The following LINGO2 variants were observed in gnomAD, a reference collection of about 807,000 sequenced individuals.
LINGO2 encodes the protein leucine rich repeat and Ig domain containing 2.
A neutral mutation model predicts 30.6 loss-of-function variants in LINGO2; 14 were observed. The ratio of observed to expected loss-of-function variants is 0.46; its 90% CI spans 0.30 to 0.72. The LOEUF (loss-of-function observed/expected upper bound fraction) is 0.72, where lower values mean the gene tolerates loss of function less well. LINGO2 is among the 30% of genes least tolerant of loss of function. The pLI is 0.07. For synonymous variants in LINGO2, 317 were observed against 288.5 expected (o/e 1.10, Z -1.00); for missense variants, 729 against 751.7 (o/e 0.97, Z 0.35).
At chr9:28,587,542 C>A (rs1409082507) in intron 1 of LINGO2, among the ~76,000 whole-genome samples, 2 of 151,890 alleles carry the variant, frequency 1.3e-5, no homozygotes, top group Non-Finnish European at 2.9e-5. Context: ...GTGACCTTGG[C>A]TACCTGACTG....
intron 2 of LINGO2, among the ~76,000 whole-genome samples, chr9:28,389,152 C>T (rs41523248): frequency 0.11 from 16,056 of 152,112 alleles, 973 homozygotes; most frequent in Admixed American, 0.16. Flanking sequence ...TCACATTAAA[C>T]CAGCTTTAGG....
the LINGO2 span, among the ~76,000 whole-genome samples, chr9:28,829,732 A>T: frequency 4.6e-5 from 7 of 152,144 alleles, no homozygotes; most frequent in African/African-American, 1.7e-4. Context: ...TAATGAAGAT[A>T]CAAAAAAGCT....
At chr9:28,932,003 G>A in the LINGO2 span, among the ~76,000 whole-genome samples, 6 of 151,798 alleles carry the variant, frequency 4.0e-5, no homozygotes, top group Non-Finnish European at 8.8e-5. Context: ...AGCAGCTAGG[G>A]AGGCTGAGGC....
chr9:29,113,140 T>C, the LINGO2 span, among the ~76,000 whole-genome samples: 1 of 152,320 alleles, frequency 6.6e-6, no homozygotes, highest in East Asian at 1.9e-4. Context: ...AAACCATGCA[T>C]GGATTTCAAT....
the LINGO2 span, among the ~76,000 whole-genome samples, chr9:29,094,607 G>T: frequency 7.2e-6 from 1 of 138,762 alleles, no homozygotes; most frequent in Non-Finnish European, 1.6e-5. Context: ...ATTACTTGAA[G>T]TATGGTTAAG....
At chr9:28,729,309 T>G in the LINGO2 span, among the ~76,000 whole-genome samples, 1 of 152,176 alleles carries the variant, frequency 6.6e-6, no homozygotes, top group East Asian at 1.9e-4. Flanking sequence ...GGTTTATACA[T>G]GTACTCAGAA....
rs567079430 is a variant in LINGO2 at position 28,080,035 on chromosome 9, C to T, written c.-86-67630G>A. Among the ~76,000 whole-genome samples the T allele has an allele frequency of 8.3e-4, 127 of 152,324 alleles. 1 individual carries two copies. The highest frequency in any genetic ancestry group is 2.9e-3 in the African/African-American group (122 of 41,578). ...TGTCAGCTCTACCTCCAAAGTAACT[C>T]TTGATAACAACCCAGTCTGTCCCTT... On this transcript the variant is annotated intron_variant, in intron 4 of 5. Transcript: ENST00000379992.
At chr9:28,711,364 G>A in the LINGO2 span, among the ~76,000 whole-genome samples, 1 of 151,946 alleles carries the variant, frequency 6.6e-6, no homozygotes, top group Non-Finnish European at 1.5e-5. Flanking sequence ...GTAAAATAGT[G>A]ATAACACCAC....
At chr9:28,893,307 T>G in the LINGO2 span, among the ~76,000 whole-genome samples, 1 of 152,028 alleles carries the variant, frequency 6.6e-6, no homozygotes, top group Admixed American at 6.6e-5. Context: ...TTATACCATG[T>G]CAGGACATCT....
intron 3 of LINGO2, among the ~76,000 whole-genome samples, chr9:28,355,279 GTCTC>G (rs1188574335): frequency 8.5e-5 from 4 of 46,852 alleles, no homozygotes; most frequent in African/African-American, 4.1e-4. Flanking sequence ...CTCTGTCTCT[GTCTC>G]TCTCTCTCTC....
Position 28,523,843 on chromosome 9 carries a change from G to A in LINGO2, c.-364-47818C>T, listed in dbSNP as rs79647704. On this transcript the variant is annotated intron_variant, in intron 1 of 5. Coordinates refer to ENST00000379992, the Ensembl canonical transcript of LINGO2. ...TGAATATTATTAAGATGGCAATTCC[G>A]TACGAATTGATCAACAGATGCAACA... Among the ~76,000 whole-genome samples the A allele has an allele frequency of 9.1e-3, 1,365 of 149,690 alleles. 11 individuals are homozygous for A. The highest frequency in any genetic ancestry group is 0.023 in the African/African-American group (927 of 40,944).
intron 5 of LINGO2, among the ~76,000 whole-genome samples, chr9:27,988,324 C>G (rs1323528400): frequency 6.6e-6 from 1 of 151,986 alleles, no homozygotes; most frequent in African/African-American, 2.4e-5. Context: ...GTGCATGTGT[C>G]TTTATAGCAG....
the LINGO2 span, among the ~76,000 whole-genome samples, chr9:28,861,366 T>G: frequency 1.5e-5 from 2 of 135,760 alleles, no homozygotes; most frequent in Admixed American, 8.6e-5. Context: ...TTAATATATA[T>G]ATACACACAA....
chr9:28,262,082 T>A (rs1342088351), intron 4 of LINGO2, among the ~76,000 whole-genome samples: 2 of 151,962 alleles, frequency 1.3e-5, no homozygotes, highest in African/African-American at 4.8e-5. Context: ...CTGCACATGA[T>A]CTATGTAAAA....
the LINGO2 span, among the ~76,000 whole-genome samples, chr9:29,033,380 A>C: frequency 4.1e-5 from 6 of 146,964 alleles, no homozygotes; most frequent in Admixed American, 1.4e-4. Context: ...CTGCTTTACT[A>C]TATATATATA....
At chr9:29,154,449 C>CAAAA in the LINGO2 span, among the ~76,000 whole-genome samples, 20 of 95,394 alleles carry the variant, frequency 2.1e-4, no homozygotes, top group Non-Finnish European at 3.0e-4. Flanking sequence ...GACTCCGTCT[C>CAAAA]AAAAAAAAAA....
chr9:28,629,376 T>C (rs933984736), intron 1 of LINGO2, among the ~76,000 whole-genome samples: 1 of 152,116 alleles, frequency 6.6e-6, no homozygotes, highest in African/African-American at 2.4e-5. Flanking sequence ...AATGAAAGAC[T>C]AGAAATTCCT....
the LINGO2 span, among the ~76,000 whole-genome samples, chr9:28,983,232 C>T: frequency 1.9e-4 from 29 of 150,396 alleles, no homozygotes; most frequent in East Asian, 1.8e-3. Context: ...CAATGAGGAA[C>T]GTATTGTGTC....
At chr9:28,776,329 A>G in the LINGO2 span, among the ~76,000 whole-genome samples, 1 of 152,186 alleles carries the variant, frequency 6.6e-6, no homozygotes, top group African/African-American at 2.4e-5. Context: ...CATGAATCAA[A>G]TGAACAAAAG....
Sources: gnomAD v4.1 joint callset for allele counts (sites outside exome capture counted in the v4.1 genomes callset) on GRCh38, gnomAD v4.1.1 for gene constraint, MANE v1.5 for transcripts, NCBI Gene and HGNC (gene_info 2026-07-23, HGNC 2026-07-21) for gene names.